Variants in NOL10 observed in about 807,000 individuals in gnomAD.
NOL10 encodes H_NH0074G24.1.
In NOL10, 58 loss-of-function variants were observed where a neutral mutation model predicts 103.5. The observed-to-expected ratio is 0.56, with a 90% CI of 0.45 to 0.70. NOL10 has a LOEUF of 0.70. NOL10 is among the 30% of genes least tolerant of loss of function. The pLI is 0.00. For missense variants in NOL10, 763 were observed against 807.3 expected, an observed-to-expected ratio of 0.95 and a Z score of 0.67; for synonymous variants, 287 against 282.5, an observed-to-expected ratio of 1.02 and a Z score of -0.16.
intron 14 of NOL10, chr2:10,604,901 T>C (rs1018229303): frequency 1.3e-5 from 2 of 152,226 alleles, no homozygotes; most frequent in African/African-American, 2.4e-5. Flanking sequence ...TTACAATGTA[T>C]GATGGTATTA....
intron 17 of NOL10, among the ~76,000 whole-genome samples, chr2:10,593,876 C>T (rs1675525217): frequency 6.6e-6 from 1 of 152,136 alleles, no homozygotes; most frequent in Non-Finnish European, 1.5e-5. Flanking sequence ...GCCTTTACCC[C>T]CCCAAGCAGG....
At chr2:10,671,342 A>G (rs746927185) in intron 6 of NOL10, among the ~76,000 whole-genome samples, 1 of 152,000 alleles carries the variant, frequency 6.6e-6, no homozygotes, top group Non-Finnish European at 1.5e-5. Context: ...TTAAAACAGT[A>G]TATGGTACTT....
Position 10,689,820 on chromosome 2 carries a change from G to C in NOL10, c.42C>G (p.Leu14=), listed in dbSNP as rs753772286. ...CCTCAGGAAGGGACTTGCCGCAGCT[G>C]AGGCTGTAAATCTTCACCTCATTGA... ...SSLNEVKIYS[L]SCGKSLPEWL... is the part of the protein sequence containing the mutation. Residue 14 remains leucine, a synonymous_variant, in exon 1 of 21, where the codon CTC becomes CTG. Coordinates refer to ENST00000381685, the MANE Select transcript of NOL10 (RefSeq NM_024894.4). 6.2e-7 allele frequency: 1 copy of C among 1,607,654 alleles called. No individual in the cohort carries two copies. The highest frequency in any genetic ancestry group is 1.1e-5 in the South Asian group (1 of 89,476).
chr2:10,637,974 A>T (rs1678381159), intron 13 of NOL10, among the ~76,000 whole-genome samples: 1 of 152,214 alleles, frequency 6.6e-6, no homozygotes, highest in Non-Finnish European at 1.5e-5. Context: ...GAGTTTCTTA[A>T]GAAAATGTTT....
rs1558277524 is a variant in NOL10, at chr2:10,595,591, TTGTTTTGTTTTTGTTTG to T, written c.1422+5245_1422+5261del. Among the ~76,000 whole-genome samples the T allele has an allele frequency of 4.9e-4, 38 of 76,956 alleles. 1 individual carries two copies. Among genetic ancestry groups the T allele is most frequent in the Non-Finnish European group, 3.7e-4 (11 of 29,956 alleles). 50.5% of individuals were successfully genotyped at this position (76,956 alleles called of 152,430 possible). On this transcript the variant is annotated intron_variant, in intron 17 of 20. Coordinates refer to ENST00000381685, the MANE Select transcript of NOL10 (RefSeq NM_024894.4). ...GGGATTACAGAAATGTTTTTTTGTT[TTGTTTTGTTTTTGTTTG>T]TTTGTTTGTTTTTTGAGATGGAGTC...
Position 10,659,350 on chromosome 2 carries a change from G to T in NOL10, c.678-100C>A, listed in dbSNP as rs114205806. 1.8e-4 allele frequency: 85 copies of T among 470,196 alleles called. 13 individuals are homozygous for T. Among genetic ancestry groups the T allele is most frequent in the Non-Finnish European group, 3.0e-4 (74 of 245,618 alleles). 29.1% of individuals were successfully genotyped at this position (470,196 alleles called of 1,614,324 possible). A position where few individuals can be genotyped will look rare whatever the true frequency, so the allele number is the denominator to read the frequency against. ...TTCACTTCAAATCTAATGGGGGGGGGGGGGAGGAATCACATTTCTAGGCTT... is the reference window on the plus strand; with the variant it reads ...TTCACTTCAAATCTAATGGGGGGGGTGGGGAGGAATCACATTTCTAGGCTT... On this transcript the variant is annotated intron_variant, in intron 9 of 20. Transcript: ENST00000381685.
chr2:10,589,171 T>C lies in NOL10; in HGVS notation c.1716A>G (p.Glu572=). Reference sequence around the variant, plus strand: ...TGAGTCGTTCCTGCCGCTTCACTTTTTCCTCCTGCTGGAGGAGTCTGCGTT... The same window carrying C: ...TGAGTCGTTCCTGCCGCTTCACTTTCTCCTCCTGCTGGAGGAGTCTGCGTT... The part of the protein sequence containing the change: ...RKQRRLLQQE[E]KVKRQERLKE... The change falls in exon 19 of 21, where the codon GAA becomes GAG. Residue 572 remains glutamate (E), a synonymous_variant. Transcript: ENST00000381685. 6.2e-7 allele frequency: 1 copy of C among 1,614,078 alleles called. No homozygotes were observed. The highest frequency in any genetic ancestry group is 8.5e-7 in the Non-Finnish European group (1 of 1,179,898).
chr2:10,675,465 G>T (rs1398354412), intron 4 of NOL10, among the ~76,000 whole-genome samples: 1 of 152,014 alleles, frequency 6.6e-6, no homozygotes, highest in East Asian at 1.9e-4. Flanking sequence ...TTTGGGGGGG[G>T]TGCATTCTCT....
chr2:10,616,987 T>C (rs1406946615), intron 13 of NOL10, among the ~76,000 whole-genome samples: 1 of 138,292 alleles, frequency 7.2e-6, no homozygotes, highest in Non-Finnish European at 1.5e-5. Context: ...GCACTTTCCC[T>C]TCTCTCTAGA....
At chr2:10,669,878 G>A (rs565509320) in intron 6 of NOL10, among the ~76,000 whole-genome samples, 12 of 151,094 alleles carry the variant, frequency 7.9e-5, no homozygotes, top group South Asian at 4.2e-4. Context: ...GCGACAGAGC[G>A]AGACTCCATC....
At chr2:10,600,224 A>C (rs898522049) in intron 17 of NOL10, among the ~76,000 whole-genome samples, 1 of 152,314 alleles carries the variant, frequency 6.6e-6, no homozygotes, top group East Asian at 1.9e-4. Context: ...AAACACTAGA[A>C]AAATCTCACC....
intron 20 of NOL10, among the ~76,000 whole-genome samples, chr2:10,573,354 C>T (rs905104706): frequency 4.6e-5 from 7 of 152,058 alleles, no homozygotes; most frequent in African/African-American, 1.7e-4. Flanking sequence ...CCACCACGCC[C>T]GGCTAATTTT....
chr2:10,641,113 G>A (rs369939457), intron 13 of NOL10, among the ~76,000 whole-genome samples: 3 of 150,574 alleles, frequency 2.0e-5, no homozygotes, highest in East Asian at 3.9e-4. Flanking sequence ...ATGAGGTCAG[G>A]AGTTTGAGAT....
Position 10,577,667 on chromosome 2 carries a change from C to A in NOL10, c.1916G>T (p.Gly639Val), listed in dbSNP as rs1410346712. 6.2e-7 allele frequency: 1 copy of A among 1,612,342 alleles called. No homozygotes were observed. The highest frequency in any genetic ancestry group is 8.5e-7 in the Non-Finnish European group (1 of 1,179,146). Residue 639 changes from glycine (G) to valine (V), a missense_variant, in exon 20 of 21, where the codon GGC becomes GTC. Physicochemically the swap from Gly to Val is moderately radical, Grantham distance 109. Coordinates refer to ENST00000381685, the MANE Select transcript of NOL10 (RefSeq NM_024894.4). ...GTLSVSDTTVGSKQLTFTLKR... is the reference protein window; with the variant it reads ...GTLSVSDTTVVSKQLTFTLKR... ...TAACGTGAATGTCAATTGTTTGCTG[C>A]CAACGGTGGTGTCGGATACACTCAA...
intron 11 of NOL10, among the ~76,000 whole-genome samples, chr2:10,657,155 C>T (rs11684282): frequency 0.049 from 7,494 of 152,122 alleles, 428 homozygotes; most frequent in African/African-American, 0.13. Flanking sequence ...CCCATCGCTA[C>T]TAAAAATACA....
At position 10,600,959 on chromosome 2, in the gene NOL10, A is replaced by G. The variant is rs1217104326; in HGVS notation, c.1333-17T>C. ...TGGCAATTTCTAGAGAGAAAATAAA[A>G]GCTGGTATTTTATTTTATTTTAAAA... On this transcript the variant is annotated splice_polypyrimidine_tract_variant and intron_variant, in intron 16 of 20. Coordinates refer to ENST00000381685, the MANE Select transcript of NOL10 (RefSeq NM_024894.4). 3 of 1,427,886 alleles carry G rather than the reference A, an allele frequency of 2.1e-6. No homozygotes were observed. The highest frequency in any genetic ancestry group is 2.9e-6 in the Non-Finnish European group (3 of 1,041,850). 88.5% of individuals were successfully genotyped at this position (1,427,886 alleles called of 1,614,324 possible).
At chr2:10,583,276 C>T (rs1674854554) in intron 19 of NOL10, among the ~76,000 whole-genome samples, 1 of 152,182 alleles carries the variant, frequency 6.6e-6, no homozygotes, top group Non-Finnish European at 1.5e-5. Flanking sequence ...TTGTATTTTT[C>T]TCTAGAGAGG....
intron 17 of NOL10, among the ~76,000 whole-genome samples, chr2:10,596,092 TA>T (rs1399970803): frequency 6.6e-6 from 1 of 152,100 alleles, no homozygotes; most frequent in East Asian, 1.9e-4. Flanking sequence ...GATGAGGTAT[TA>T]CTTTAATATA....
chr2:10,607,223 T>C lies in NOL10; in HGVS notation c.1115A>G (p.Asp372Gly). The change falls in exon 14 of 21, where the codon GAT becomes GGT. Residue 372 changes from aspartate to glycine, a missense_variant. Physicochemically the swap from Asp to Gly is moderately conservative, Grantham distance 94 (BLOSUM62 -1). Transcript: ENST00000381685. The stretch of plus-strand genomic sequence containing the variant: ...GTCTTTCTTGGTGACAAATTTATAA[T>C]CATCATAGACTGTGCTTTCTGGATT... The part of the protein sequence containing the change: ...EENPESTVYD[D>G]YKFVTKKDLE... The C allele has an allele frequency of 6.3e-7, 1 of 1,594,842 alleles. No individual in the cohort carries two copies. Among genetic ancestry groups the C allele is most frequent in the Admixed American group, 1.7e-5 (1 of 57,916 alleles).
Sources: allele counts gnomAD v4.1 joint callset (sites outside exome capture counted in the v4.1 genomes callset), GRCh38; gene constraint gnomAD v4.1.1; transcripts MANE v1.5; gene names NCBI Gene and HGNC (gene_info 2026-07-23, HGNC 2026-07-21).